The following TRPM3 variants were observed in gnomAD, a reference collection of about 807,000 sequenced individuals.
TRPM3 encodes long transient receptor potential channel 3.
A neutral mutation model predicts 181.2 loss-of-function variants in TRPM3; 77 were observed. That is an observed-to-expected ratio of 0.42 (90% confidence interval 0.35 to 0.51). TRPM3 has a LOEUF of 0.51. Among genes scored for constraint, TRPM3 ranks in the 20% least tolerant of loss-of-function variants. The pLI, the probability that TRPM3 is intolerant of heterozygous loss-of-function variation, is 0.01. For synonymous variants in TRPM3, 745 were observed against 796.4 expected (o/e 0.94, Z 1.09); for missense variants, 1,759 against 2,196.7 (o/e 0.80, Z 3.98).
rs3041716 is a variant in TRPM3 at position 71,332,376 on chromosome 9, G to GGTGTGTGTGT, written c.183+114267_183+114276dup. Among the ~76,000 whole-genome samples, 787 of 142,314 alleles carry GGTGTGTGTGT rather than the reference G, an allele frequency of 5.5e-3. 9 individuals carry two copies. Among genetic ancestry groups the GGTGTGTGTGT allele is most frequent in the African/African-American group, 0.016 (608 of 39,076 alleles). 93.4% of individuals were successfully genotyped at this position (142,314 alleles called of 152,430 possible). A position where few individuals can be genotyped will look rare whatever the true frequency, so the allele number is the denominator to read the frequency against. ...TCTAGGTCAGTGGTTTTCAATGTTG[G>GGTGTGTGTGT]GTGTGTGTGTGTGTGTGTGTGTGTG... On this transcript the variant is annotated intron_variant, in intron 1 of 24. Coordinates refer to the TRPM3 transcript ENST00000357533.
intron 22 of TRPM3, among the ~76,000 whole-genome samples, chr9:70,574,868 G>A (rs1036668411): frequency 2.0e-5 from 3 of 152,028 alleles, no homozygotes; most frequent in African/African-American, 7.2e-5. Flanking sequence ...AAGAGAGAGA[G>A]GCATGCTATT....
chr9:70,893,787 A>G (rs985075555), intron 1 of TRPM3, among the ~76,000 whole-genome samples: 1 of 152,212 alleles, frequency 6.6e-6, no homozygotes, highest in African/African-American at 2.4e-5. Flanking sequence ...TTAGAAAAGG[A>G]TTACATCAGA....
At chr9:70,742,465 G>A (rs548316218) in intron 8 of TRPM3, among the ~76,000 whole-genome samples, 1 of 142,108 alleles carries the variant, frequency 7.0e-6, no homozygotes, top group East Asian at 2.0e-4. Flanking sequence ...CCTTCTAGCT[G>A]TTTGAACTAT....
At chr9:70,908,748 T>A (rs2096500863) in intron 1 of TRPM3, among the ~76,000 whole-genome samples, 1 of 152,148 alleles carries the variant, frequency 6.6e-6, no homozygotes, top group Non-Finnish European at 1.5e-5. Flanking sequence ...CTACAGTAAT[T>A]AAGACAGTGT....
chr9:70,791,633 C>T (rs2085423077), intron 6 of TRPM3, among the ~76,000 whole-genome samples: 2 of 152,086 alleles, frequency 1.3e-5, no homozygotes, highest in Admixed American at 6.6e-5. Flanking sequence ...TTTATCTTGG[C>T]ATGTGAAATT....
At chr9:70,581,297 GCACT>G (rs1217973123) in intron 22 of TRPM3, among the ~76,000 whole-genome samples, 1 of 152,220 alleles carries the variant, frequency 6.6e-6, no homozygotes, top group Non-Finnish European at 1.5e-5. Context: ...TTCCAAGCAA[GCACT>G]CATCTTGAAC....
At position 71,179,288 on chromosome 9, in the gene TRPM3, G is replaced by A. The variant is rs1334718294; in HGVS notation, c.183+267365C>T. Among the ~76,000 whole-genome samples the A allele has an allele frequency of 4.6e-5, 7 of 152,042 alleles. No homozygotes were observed. The East Asian group carries it at 9.7e-4, about 21-fold the overall frequency. ...CCTAAAAGAATTGCTGGCACCAGTCGATTATTAAAACGGGCAGGGAAAAGA... is the reference window on the plus strand; with the variant it reads ...CCTAAAAGAATTGCTGGCACCAGTCAATTATTAAAACGGGCAGGGAAAAGA... On this transcript the variant is annotated intron_variant, in intron 1 of 24. Transcript: ENST00000357533.
At chr9:70,853,289 C>A (rs1243394667) in intron 3 of TRPM3, among the ~76,000 whole-genome samples, 1 of 152,154 alleles carries the variant, frequency 6.6e-6, no homozygotes, top group African/African-American at 2.4e-5. Context: ...ACACTGGTGG[C>A]TCTAGATGGG....
At chr9:70,991,555 G>GTT (rs56157123) in intron 1 of TRPM3, among the ~76,000 whole-genome samples, 23,823 of 124,208 alleles carry the variant, frequency 0.19, 2,858 homozygotes, top group Admixed American at 0.24. Context: ...CTATGTGTCT[G>GTT]TTTTTTTTTT....
intron 7 of TRPM3, among the ~76,000 whole-genome samples, chr9:70,767,489 T>G (rs1046973834): frequency 2.6e-5 from 4 of 152,208 alleles, no homozygotes; most frequent in Non-Finnish European, 5.9e-5. Flanking sequence ...AATTTATTTA[T>G]GTAAAACAGC....
At chr9:71,051,009 T>A (rs1003116166) in intron 1 of TRPM3, among the ~76,000 whole-genome samples, 4 of 152,236 alleles carry the variant, frequency 2.6e-5, no homozygotes, top group African/African-American at 9.6e-5. Flanking sequence ...TTTAGTTTAC[T>A]CATCTGTAAA....
At chr9:70,685,620 C>A (rs564353367) in intron 8 of TRPM3, among the ~76,000 whole-genome samples, 1 of 152,054 alleles carries the variant, frequency 6.6e-6, no homozygotes, top group Non-Finnish European at 1.5e-5. Context: ...TTGCCCAGAG[C>A]GATCTCAAAC....
At chr9:70,582,326 T>C (rs935885037) in intron 22 of TRPM3, among the ~76,000 whole-genome samples, 2 of 152,322 alleles carry the variant, frequency 1.3e-5, no homozygotes, top group East Asian at 1.9e-4. Context: ...CTTTTCTAGT[T>C]TCTTTATATG....
chr9:70,548,137 A>G (rs1433000281), intron 25 of TRPM3, among the ~76,000 whole-genome samples: 1 of 152,232 alleles, frequency 6.6e-6, no homozygotes, highest in African/African-American at 2.4e-5. Context: ...TAATGTGTCC[A>G]CATAGAACAA....
chr9:70,653,609 G>A (rs1192406582), intron 9 of TRPM3, among the ~76,000 whole-genome samples: 1 of 145,502 alleles, frequency 6.9e-6, no homozygotes, highest in Non-Finnish European at 1.5e-5. Flanking sequence ...CTGCAAAAGA[G>A]GAAAACAAAA....
At chr9:70,833,492 A>G (rs1258073856) in intron 5 of TRPM3, among the ~76,000 whole-genome samples, 1 of 152,166 alleles carries the variant, frequency 6.6e-6, no homozygotes, top group Non-Finnish European at 1.5e-5. Context: ...CATGCCAGGC[A>G]CTGTGATGGA....
intron 1 of TRPM3, among the ~76,000 whole-genome samples, chr9:71,023,228 A>G (rs1003607050): frequency 6.6e-6 from 1 of 152,224 alleles, no homozygotes; most frequent in African/African-American, 2.4e-5. Context: ...AGATAAGCAC[A>G]TGAAAAGATG....
At chr9:71,254,160 C>T (rs12377184) in intron 1 of TRPM3, among the ~76,000 whole-genome samples, 20 of 152,076 alleles carry the variant, frequency 1.3e-4, no homozygotes, top group Non-Finnish European at 2.5e-4. Context: ...CCTTGTGATC[C>T]GCCCACCTCA....
At chr9:70,795,333 G>C (rs1030870423) in intron 6 of TRPM3, among the ~76,000 whole-genome samples, 2 of 152,126 alleles carry the variant, frequency 1.3e-5, no homozygotes, top group Non-Finnish European at 2.9e-5. Flanking sequence ...AGAGTTTTAT[G>C]CTTAAACACA....
Sources: gnomAD v4.1 joint callset for allele counts (sites outside exome capture counted in the v4.1 genomes callset) on GRCh38, gnomAD v4.1.1 for gene constraint, MANE v1.5 for transcripts, NCBI Gene and HGNC (gene_info 2026-07-23, HGNC 2026-07-21) for gene names.